Variants in LRRC27 observed in about 807,000 individuals in gnomAD.
LRRC27 encodes the protein leucine rich repeat containing 27, also known as leucine-rich repeat-containing protein 27.
LRRC27 carries 57 observed loss-of-function variants against 55.0 expected under a neutral mutation model. The ratio of observed to expected loss-of-function variants is 1.04; its 90% CI spans 0.84 to 1.29. LRRC27 has a LOEUF of 1.29. LRRC27 is among the 50% of genes most tolerant of loss of function. The pLI is 0.00. For synonymous variants in LRRC27, 278 were observed against 251.9 expected (o/e 1.10, Z -0.98); for missense variants, 721 against 651.5 (o/e 1.11, Z -1.16).
intron 7 of LRRC27, chr10:132,352,843 C>CTTTCTTGTTCTTTTCCCTCA (rs1425182667): frequency 6.2e-7 from 1 of 1,609,736 alleles, no homozygotes; most frequent in South Asian, 1.1e-5. Context: ...CACCTGCCTG[C>CTTTCTTGTTCTTTTCCCTCA]TTTCTTGTTC....
intron 2 of LRRC27, among the ~76,000 whole-genome samples, chr10:132,335,838 G>A (rs961175039): frequency 6.6e-6 from 1 of 152,176 alleles, no homozygotes; most frequent in South Asian, 2.1e-4. Flanking sequence ...AAGTAGCTGG[G>A]CAGGCTGATA....
At position 132,355,789 on chromosome 10, in the gene LRRC27, G is replaced by T; in HGVS notation, c.1074-1G>T. On this transcript the variant is annotated splice_acceptor_variant, in intron 7 of 10. Coordinates refer to ENST00000368614, the MANE Select transcript of LRRC27 (RefSeq NM_030626.3). LOFTEE classifies it high-confidence loss of function. ...ATGACATTAACCTTCCCTTTCTCCAGAGAGAAAAGGGCACTGCAGGAGTGG... is the reference window on the plus strand; with the variant it reads ...ATGACATTAACCTTCCCTTTCTCCATAGAGAAAAGGGCACTGCAGGAGTGG... The T allele has an allele frequency of 6.5e-7, 1 of 1,548,294 alleles. No homozygotes were observed. The highest frequency in any genetic ancestry group is 8.7e-7 in the Non-Finnish European group (1 of 1,143,784).
In LRRC27 at chr10:132,378,366, C is replaced by T. The variant is rs2069364806; in HGVS notation, c.*3124C>T. ...AGAACTCAAATCTGGGAGTTAGCAT[C>T]TTTCATCAGTTTTGGAAAATTCTTA... On this transcript the variant is annotated 3_prime_UTR_variant, in exon 11 of 11. Transcript: ENST00000368614. The T allele has an allele frequency of 6.7e-6, 1 of 150,264 alleles. No homozygotes were observed. The highest frequency in any genetic ancestry group is 1.5e-5 in the Non-Finnish European group (1 of 67,630). The allele number at this position is 150,264 out of a possible 1,614,324, so 9.3% of individuals were successfully genotyped here.
At chr10:132,354,635 C>G (rs1051405697) in intron 7 of LRRC27, among the ~76,000 whole-genome samples, 1 of 152,230 alleles carries the variant, frequency 6.6e-6, no homozygotes, top group African/African-American at 2.4e-5. Context: ...GCAGCACTGA[C>G]TCGGGATGGA....
In LRRC27 at chr10:132,375,354, T is replaced by C; in HGVS notation, c.*112T>C. The C allele has an allele frequency of 7.3e-6, 7 of 964,052 alleles. No individual in the cohort carries two copies. In the East Asian group the frequency reaches 1.6e-4, roughly 21 times the overall value. 59.7% of individuals were successfully genotyped at this position (964,052 alleles called of 1,614,324 possible). The stretch of plus-strand genomic sequence containing the variant: ...AAGAGCGCCAGGTTCAGTGTTACCC[T>C]GAGGGCTGATTTCGCGCAGCCTGTT... On this transcript the variant is annotated 3_prime_UTR_variant, in exon 11 of 11. Transcript: ENST00000368614.
chr10:132,361,653 T>G (rs1025504790), intron 9 of LRRC27, 78 bp downstream of exon 9: 3 of 1,078,186 alleles, frequency 2.8e-6, no homozygotes, highest in Non-Finnish European at 4.3e-6. Context: ...GTTTATTTCA[T>G]GAGCATGCAC....
intron 10 of LRRC27, among the ~76,000 whole-genome samples, chr10:132,371,345 G>A (rs545758523): frequency 1.3e-5 from 2 of 152,378 alleles, no homozygotes; most frequent in East Asian, 3.9e-4. Context: ...TAGAGGACCA[G>A]GGTGGACGGG....
chr10:132,344,807 G>T, intron 5 of LRRC27, 157 bp downstream of exon 5: 1 of 655,794 alleles, frequency 1.5e-6, no homozygotes, highest in Non-Finnish European at 2.4e-6. Context: ...ATCTCAGGCC[G>T]ACCCAGTCAT....
At chr10:132,359,966 G>A (rs1400904626) in intron 8 of LRRC27, among the ~76,000 whole-genome samples, 1 of 152,196 alleles carries the variant, frequency 6.6e-6, no homozygotes, top group African/African-American at 2.4e-5. Flanking sequence ...AGAGCTGGAT[G>A]TTCGAAAAAG....
intron 6 of LRRC27, chr10:132,349,124 C>T: frequency 1.9e-6 from 2 of 1,078,514 alleles, no homozygotes; most frequent in Non-Finnish European, 2.8e-6. Flanking sequence ...GTGTAAACAT[C>T]TAGAGAGAGA....
At chr10:132,342,361 A>T in intron 4 of LRRC27, 90 bp downstream of exon 4, 1 of 819,738 alleles carries the variant, frequency 1.2e-6, no homozygotes, top group East Asian at 2.7e-5. Context: ...ATGACAAAGG[A>T]GGGTAAGCTA....
In LRRC27 at chr10:132,337,714, C is replaced by A. The variant is rs1210490751; in HGVS notation, c.341+19C>A. ...CTCACCAGTAAGTTGTTTATGTTTC[C>A]AGATTTTAAAAATCATCTTTTCAGT... is the stretch of plus-strand genomic sequence containing the variant. On this transcript the variant is annotated intron_variant, in intron 3 of 10. Coordinates refer to ENST00000368614, the MANE Select transcript of LRRC27 (RefSeq NM_030626.3). The A allele has an allele frequency of 1.9e-6, 3 of 1,610,758 alleles. No individual in the cohort carries two copies. The East Asian group carries it at 6.7e-5, about 36-fold the overall frequency.
intron 2 of LRRC27, chr10:132,337,260 A>G: frequency 8.4e-7 from 1 of 1,195,008 alleles, no homozygotes; most frequent in Non-Finnish European, 1.0e-6. Flanking sequence ...GGGCCCCGGA[A>G]TTCAGACCAT....
In LRRC27 at chr10:132,374,878, T is replaced by TA. The variant is rs757588509; in HGVS notation, c.1417-187dup. On this transcript the variant is annotated intron_variant, in intron 10 of 10. Coordinates refer to ENST00000368614, the MANE Select transcript of LRRC27 (RefSeq NM_030626.3). The surrounding 1 kb of genome is among the most constrained non-coding windows in gnomAD (Gnocchi z 4.4). ...AGAAGGCCTGGGAGCCGGCTGGAAG[T>TA]AGGCTGCTGGGCCCCATTGCAGGGG... 1.3e-5 allele frequency among the ~76,000 whole-genome samples: 2 copies of TA among 152,164 alleles called. No individual in the cohort carries two copies. The highest frequency in any genetic ancestry group is 2.9e-5 in the Non-Finnish European group (2 of 68,026).
At chr10:132,363,926 T>G (rs974260098) in intron 9 of LRRC27, among the ~76,000 whole-genome samples, 2 of 152,016 alleles carry the variant, frequency 1.3e-5, no homozygotes, top group African/African-American at 4.8e-5. Context: ...TAGGTTGTAT[T>G]AACTCCCCAA....
chr10:132,369,453 T>C (rs57171232), intron 10 of LRRC27, among the ~76,000 whole-genome samples: 35,911 of 151,970 alleles, frequency 0.24, 4,612 homozygotes, highest in African/African-American at 0.34. Flanking sequence ...CCGTCAGCAA[T>C]GAGAAGACAC....
chr10:132,331,337 G>A, upstream of LRRC27: 3 of 1,197,764 alleles, frequency 2.5e-6, no homozygotes, highest in East Asian at 2.5e-5. Flanking sequence ...AGGTGCACGG[G>A]ACTCCAGGGT....
Position 132,333,517 on chromosome 10 carries a change from G to A in LRRC27, c.-8G>A. The A allele has an allele frequency of 6.3e-7, 1 of 1,586,444 alleles. No individual in the cohort carries two copies. The highest frequency in any genetic ancestry group is 8.6e-7 in the Non-Finnish European group (1 of 1,165,024). On this transcript the variant is annotated 5_prime_UTR_variant, in exon 2 of 11. Transcript: ENST00000368614. Reference sequence around the variant, plus strand: ...GGAGGATGAGCTGCTGTCCCTGGAAGAGAACGGATGGAGGGAAGCAGCTCC... The same window carrying A: ...GGAGGATGAGCTGCTGTCCCTGGAAAAGAACGGATGGAGGGAAGCAGCTCC...
At chr10:132,363,590 G>C (rs112293401) in intron 9 of LRRC27, among the ~76,000 whole-genome samples, 3 of 152,136 alleles carry the variant, frequency 2.0e-5, no homozygotes, top group Admixed American at 6.5e-5. Flanking sequence ...ACTGCTCTCC[G>C]GTGCCCCCGT....
Sources: gnomAD v4.1 joint callset for allele counts (sites outside exome capture counted in the v4.1 genomes callset) on GRCh38, gnomAD v4.1.1 for gene constraint, Gnocchi (gnomAD v3.1) non-coding constraint, MANE v1.5 for transcripts, NCBI Gene and HGNC (gene_info 2026-07-23, HGNC 2026-07-21) for gene names.